Variants in CEACAM21 observed in about 807,000 individuals in gnomAD.
CEACAM21 encodes cell adhesion molecule CEACAM21.
A neutral mutation model predicts 33.2 loss-of-function variants in CEACAM21; 38 were observed. The ratio of observed to expected loss-of-function variants is 1.14; its 90% CI spans 0.88 to 1.50. The LOEUF (loss-of-function observed/expected upper bound fraction) is 1.50. Among genes scored for constraint, CEACAM21 ranks in the 40% most tolerant of loss-of-function variants. The probability of loss-of-function intolerance (pLI) is 0.00; values close to 1 mark genes in which losing one functional copy is unlikely to be tolerated. For synonymous variants in CEACAM21, 156 were observed against 143.0 expected, an observed-to-expected ratio of 1.09 and a Z score of -0.65; for missense variants, 385 against 364.6, an observed-to-expected ratio of 1.06 and a Z score of -0.46.
chr19:41,579,262 A>G (rs1555792354), intron 2 of CEACAM21, 91 bp from the exon 3 acceptor site: 1 of 1,600,544 alleles, frequency 6.2e-7, no homozygotes, highest in Admixed American at 1.7e-5. Flanking sequence ...TTTCTCCTTT[A>G]TTCACAGGAG....
exon 2 of CEACAM21, chr19:41,564,965 G>C (rs2042152719): frequency 6.6e-6 from 1 of 152,372 alleles, no homozygotes; most frequent in African/African-American, 2.4e-5. Context: ...GGTGAGGGAG[G>C]GACTGCAGCG....
intron 1 of CEACAM21, among the ~76,000 whole-genome samples, chr19:41,555,700 G>C (rs1167070121): frequency 1.3e-5 from 2 of 149,250 alleles, no homozygotes; most frequent in Non-Finnish European, 3.0e-5. Flanking sequence ...ATGTCTTCAA[G>C]GCTAGTAGCA....
rs901986310 is a variant in CEACAM21, at chr19:41,584,507, G to T, written c.797+64G>T. 3 of 1,431,164 alleles carry T rather than the reference G, an allele frequency of 2.1e-6. No individual in the cohort carries two copies. In the African/African-American group the frequency reaches 4.2e-5, roughly 20 times the overall value. The allele number at this position is 1,431,164 out of a possible 1,614,324, so 88.7% of individuals were successfully genotyped here. ...GCTGACCCCAGGCGAGAAGGAAGGAGACCCTGTCTTGTATTCAGTGCCAGG... is the reference window on the plus strand; with the variant it reads ...GCTGACCCCAGGCGAGAAGGAAGGATACCCTGTCTTGTATTCAGTGCCAGG... On this transcript the variant is annotated intron_variant, in intron 4 of 6. Transcript: ENST00000401445.
intron 2 of CEACAM21, among the ~76,000 whole-genome samples, chr19:41,571,075 A>T (rs964701490): frequency 7.9e-5 from 12 of 152,000 alleles, no homozygotes; most frequent in Non-Finnish European, 1.8e-4. Context: ...GTTCAGCACC[A>T]TCCACCCACT....
Position 41,549,795 on chromosome 19 carries a change from CA to C in CEACAM21, c.-779+245del, listed in dbSNP as rs573855431. The stretch of plus-strand genomic sequence containing the variant: ...CCTCCAACTTATTCCTGGGCTCAAG[CA>C]ATCCTTCTGTCTCCATCTCCTGAGC... On this transcript the variant is annotated intron_variant, in intron 1 of 7. Transcript: ENST00000407170. 2.2e-3 allele frequency among the ~76,000 whole-genome samples: 338 copies of C among 152,278 alleles called. 1 individual carries two copies. The highest frequency in any genetic ancestry group is 7.9e-3 in the African/African-American group (330 of 41,550).
Position 41,577,272 on chromosome 19 carries a change from C to G in CEACAM21, c.137C>G (p.Ala46Gly). The change falls in exon 2 of 7, where the codon GCT becomes GGT. Residue 46 changes from alanine to glycine, a missense_variant. By Grantham distance (60) the Ala-to-Gly change is moderately conservative. Transcript: ENST00000401445. The part of the protein sequence containing the change: ...LFIASAPFEV[A>G]EGENVHLSVV... ...ATTGCATCAGCGCCCTTTGAAGTTG[C>G]TGAAGGGGAGAATGTTCATCTCTCT... is the stretch of plus-strand genomic sequence containing the variant. The G allele has an allele frequency of 6.2e-7, 1 of 1,614,132 alleles. No individual in the cohort carries two copies. Among genetic ancestry groups the G allele is most frequent in the Non-Finnish European group, 8.5e-7 (1 of 1,180,018 alleles).
chr19:41,574,566 G>A (rs782396043), upstream of CEACAM21, among the ~76,000 whole-genome samples: 7 of 152,034 alleles, frequency 4.6e-5, no homozygotes, highest in Non-Finnish European at 1.0e-4. Flanking sequence ...TATTAAAATT[G>A]TCAGCAAATA....
upstream of CEACAM21, among the ~76,000 whole-genome samples, chr19:41,575,835 C>T (rs1222773513): frequency 3.9e-5 from 6 of 152,218 alleles, no homozygotes; most frequent in African/African-American, 1.4e-4. Flanking sequence ...GGGCATCATT[C>T]TGCCTTCCTG....
At chr19:41,580,285 GAC>G (rs1298890179) in intron 3 of CEACAM21, among the ~76,000 whole-genome samples, 3 of 151,508 alleles carry the variant, frequency 2.0e-5, no homozygotes, top group African/African-American at 7.3e-5. Flanking sequence ...CATCAACACA[GAC>G]ACACTTCTGT....
intron 1 of CEACAM21, among the ~76,000 whole-genome samples, chr19:41,555,768 G>A (rs916706954): frequency 6.7e-6 from 1 of 149,178 alleles, no homozygotes; most frequent in African/African-American, 2.4e-5. Flanking sequence ...ATATTCATTG[G>A]TGGTGTTTTC....
Position 41,550,055 on chromosome 19 carries a change from T to C in CEACAM21, c.-779+503T>C, listed in dbSNP as rs576673385. On this transcript the variant is annotated intron_variant, in intron 1 of 7. Coordinates refer to the CEACAM21 transcript ENST00000407170. ...AGTGCGATGAGAAGCATAATGACAA[T>C]GATTAACTTGATAATTAAAAATCTA... The C allele has an allele frequency of 3.9e-5, 6 of 152,196 alleles. No homozygotes were observed. In the South Asian group the frequency reaches 6.3e-4, roughly 16 times the overall value. 9.4% of individuals were successfully genotyped at this position (152,196 alleles called of 1,614,324 possible). A position where few individuals can be genotyped will look rare whatever the true frequency, so the allele number is the denominator to read the frequency against.
chr19:41,566,067 G>T (rs561849343), intron 2 of CEACAM21, among the ~76,000 whole-genome samples: 3 of 152,054 alleles, frequency 2.0e-5, no homozygotes, highest in Non-Finnish European at 4.4e-5. Context: ...ATTGTAAACA[G>T]AAAAGCAAAT....
At chr19:41,569,190 G>A (rs930109698) in intron 2 of CEACAM21, among the ~76,000 whole-genome samples, 1 of 151,710 alleles carries the variant, frequency 6.6e-6, no homozygotes, top group Admixed American at 6.6e-5. Flanking sequence ...TAACAATAAT[G>A]TATTCCATAT....
intron 2 of CEACAM21, among the ~76,000 whole-genome samples, chr19:41,578,347 T>C (rs965809035): frequency 7.9e-5 from 12 of 152,066 alleles, no homozygotes; most frequent in African/African-American, 2.7e-4. Context: ...ATGATGTTTA[T>C]TTGGAGCTAT....
At chr19:41,585,954 A>G in intron 6 of CEACAM21, 83 bp downstream of exon 6, 1 of 1,394,736 alleles carries the variant, frequency 7.2e-7, no homozygotes, top group Non-Finnish European at 1.0e-6. Flanking sequence ...AATCCCCAGC[A>G]CAAACCCACC....
intron 1 of CEACAM21, among the ~76,000 whole-genome samples, chr19:41,559,909 G>A (rs4803480): frequency 0.18 from 27,823 of 152,160 alleles, 2,597 homozygotes; most frequent in Middle Eastern, 0.24. Flanking sequence ...GGAAGTTAGA[G>A]GCTGTAGTGA....
At chr19:41,585,714 C>T in intron 5 of CEACAM21, 126 bp from the exon 6 acceptor site, 1 of 1,125,738 alleles carries the variant, frequency 8.9e-7, no homozygotes, top group South Asian at 1.4e-5. Context: ...CTTACTTGAC[C>T]CCTAAAATAA....
At position 41,576,286 on chromosome 19, in the gene CEACAM21, CT is replaced by C; in HGVS notation, c.13del (p.Ser5GlnfsTer21). MGPP[S>X]ACPHRECIPW... The stretch of plus-strand genomic sequence containing the variant: ...AGGCAGCAGAGACCATGGGGCCCCC[CT>C]CAGCTTGTCCCCACAGAGAATGCAT... On this transcript the variant is annotated frameshift_variant, in exon 1 of 7. Coordinates refer to ENST00000401445, the MANE Select transcript of CEACAM21 (RefSeq NM_001098506.4). LOFTEE classifies it high-confidence loss of function. 1 of 1,613,692 alleles carries C rather than the reference CT, an allele frequency of 6.2e-7. No individual in the cohort carries two copies. Among genetic ancestry groups the C allele is most frequent in the Middle Eastern group, 1.7e-4 (1 of 6,056 alleles).
At chr19:41,579,215 T>C in intron 2 of CEACAM21, 138 bp from the exon 3 acceptor site, 2 of 1,395,874 alleles carry the variant, frequency 1.4e-6, no homozygotes, top group Non-Finnish European at 9.9e-7. Flanking sequence ...CTGCTATGGG[T>C]GTCTCTGGTT....
Sources: gnomAD v4.1 joint callset for allele counts (sites outside exome capture counted in the v4.1 genomes callset) on GRCh38, gnomAD v4.1.1 for gene constraint, MANE v1.5 for transcripts, NCBI Gene and HGNC (gene_info 2026-07-23, HGNC 2026-07-21) for gene names.